Variants in FANCD2 observed in about 807,000 individuals in gnomAD.
FANCD2 encodes the protein FA complementation group D2.
Under a neutral mutation model 192.3 loss-of-function variants are expected in FANCD2, and 131 were observed. The observed-to-expected ratio is 0.68, with a 90% CI of 0.59 to 0.79. FANCD2 has a LOEUF of 0.79. Among genes scored for constraint, FANCD2 ranks in the 30% least tolerant of loss-of-function variants. FANCD2 has a pLI of 0.00. For synonymous variants in FANCD2, 524 were observed against 612.5 expected (o/e 0.86, Z 2.13); for missense variants, 1,508 against 1,701.6 (o/e 0.89, Z 2.00).
intron 33 of FANCD2, 54 bp from the exon 34 acceptor site, chr3:10,087,080 T>A (rs1466107427): frequency 3.7e-6 from 6 of 1,600,842 alleles, no homozygotes; most frequent in Non-Finnish European, 5.1e-6. Context: ...TTTAAATATA[T>A]CTGTGACACA....
Position 10,069,616 on chromosome 3 carries a change from C to T in FANCD2, c.2494+2299C>T, listed in dbSNP as rs1477683709. 1.5e-4 allele frequency among the ~76,000 whole-genome samples: 23 copies of T among 152,056 alleles called. No homozygotes were observed. In the East Asian group the frequency reaches 3.9e-3, roughly 26 times the overall value. Reference sequence around the variant, plus strand: ...GCCTGCGATTGCAGGCGCGCGCCGCCACGCCTGACTGGTTTTCGTACTTTT... The same window carrying T: ...GCCTGCGATTGCAGGCGCGCGCCGCTACGCCTGACTGGTTTTCGTACTTTT... On this transcript the variant is annotated intron_variant, in intron 26 of 43. Coordinates refer to ENST00000675286, the MANE Select transcript of FANCD2 (RefSeq NM_001018115.3).
In FANCD2 at chr3:10,051,418, T is replaced by C. The variant is rs1388287344; in HGVS notation, c.1546-969T>C. On this transcript the variant is annotated intron_variant, in intron 17 of 43. Transcript: ENST00000675286. ...AAAAAAAAAAAAAAACAAAAAGGAG[T>C]GAGGGATTTATCTCCCAGTGTTGGA... Among the ~76,000 whole-genome samples the C allele has an allele frequency of 7.8e-5, 2 of 25,768 alleles. 1 individual carries two copies. 16.9% of individuals were successfully genotyped at this position (25,768 alleles called of 152,430 possible).
chr3:10,073,299 A>T lies in FANCD2; in HGVS notation c.2652A>T (p.Thr884=), dbSNP rs753568480. 1 of 1,614,138 alleles carries T rather than the reference A, an allele frequency of 6.2e-7. No homozygotes were observed. Among genetic ancestry groups the T allele is most frequent in the Non-Finnish European group, 8.5e-7 (1 of 1,179,980 alleles). ...GCAGCAAGACATCCTCCTCTGACACACTTTCAGAAGAGAAAAATTCAGAAT... is the reference window on the plus strand; with the variant it reads ...GCAGCAAGACATCCTCCTCTGACACTCTTTCAGAAGAGAAAAATTCAGAAT... ...TDGSKTSSSD[T]LSEEKNSECD... The change falls in exon 28 of 44, where the codon ACA becomes ACT. Residue 884 remains threonine, a synonymous_variant. Coordinates refer to ENST00000675286, the MANE Select transcript of FANCD2 (RefSeq NM_001018115.3).
At chr3:10,044,661 A>G (rs2086952406) in intron 14 of FANCD2, among the ~76,000 whole-genome samples, 1 of 152,088 alleles carries the variant, frequency 6.6e-6, no homozygotes, top group Non-Finnish European at 1.5e-5. Flanking sequence ...TTTGGTTGGA[A>G]TCTGTTTTGT....
chr3:10,085,256 G>T (rs980557150), intron 32 of FANCD2, among the ~76,000 whole-genome samples: 1 of 152,066 alleles, frequency 6.6e-6, no homozygotes, highest in African/African-American at 2.4e-5. Context: ...AAAGAAAGAG[G>T]AAAGAAGAAA....
rs555260098 is a variant in FANCD2, at chr3:10,056,726, G to A, written c.1657-3568G>A. ...TTTTTAACTATAATCATTCTGATGAGTGCGAGTGGTATCTCATTGTGGTTT... is the reference window on the plus strand; with the variant it reads ...TTTTTAACTATAATCATTCTGATGAATGCGAGTGGTATCTCATTGTGGTTT... On this transcript the variant is annotated intron_variant, in intron 18 of 43. Transcript: ENST00000675286. Among the ~76,000 whole-genome samples the A allele has an allele frequency of 7.6e-4, 116 of 152,066 alleles. 1 individual carries two copies. The South Asian group carries it at 0.018, about 24-fold the overall frequency.
Position 10,093,213 on chromosome 3 carries a change from G to A in FANCD2, c.3850-72G>A, listed in dbSNP as rs374988769. The A allele has an allele frequency of 4.0e-4, 457 of 1,146,100 alleles. No homozygotes were observed. In the African/African-American group the frequency reaches 5.5e-3, roughly 14 times the overall value. The allele number at this position is 1,146,100 out of a possible 1,614,324, so 71.0% of individuals were successfully genotyped here. A position where few individuals can be genotyped will look rare whatever the true frequency, so the allele number is the denominator to read the frequency against. ...TGCAGCACCCAAAGCTGTGCTTTGC[G>A]CAGCGGGAAAGAGGCTGGAGTGCTC... On this transcript the variant is annotated intron_variant, in intron 38 of 43. Transcript: ENST00000675286.
chr3:10,088,718 A>G, intron 35 of FANCD2, 110 bp from the exon 36 acceptor site: 3 of 1,247,286 alleles, frequency 2.4e-6, no homozygotes, highest in Non-Finnish European at 3.5e-6. Flanking sequence ...TCTGTTTTAT[A>G]CTGTTAGCTA....
At chr3:10,070,224 G>A (rs1249068985) in intron 26 of FANCD2, among the ~76,000 whole-genome samples, 5 of 149,008 alleles carry the variant, frequency 3.4e-5, no homozygotes, top group African/African-American at 9.9e-5. Context: ...CCCTCTGCCC[G>A]GCAGCCGCCC....
chr3:10,088,853 A>G lies in FANCD2; in HGVS notation c.3586A>G (p.Ile1196Val), dbSNP rs1339689117. 2 of 1,614,220 alleles carry G rather than the reference A, an allele frequency of 1.2e-6. No homozygotes were observed. The highest frequency in any genetic ancestry group is 1.1e-5 in the South Asian group (1 of 91,078). The change falls in exon 36 of 44, where the codon ATT (isoleucine) becomes GTT (valine). Residue 1196 changes from isoleucine to valine, a missense_variant. Ile to Val is a conservative substitution (Grantham distance 29, BLOSUM62 3). Transcript: ENST00000675286. ...TATCTACCTGGAGCACACAGAGAGC[A>G]TTCTGAAGGCCATAGAGGAGATTGC... ...LCIYLEHTES[I>V]LKAIEEIAGV... is the part of the protein sequence containing the mutation.
At chr3:10,036,413 A>G in intron 7 of FANCD2, 74 bp downstream of exon 7, 1 of 1,137,936 alleles carries the variant, frequency 8.8e-7, no homozygotes. Flanking sequence ...TTACTCTGAA[A>G]ACTATTGGTT....
chr3:10,026,987 A>G (rs1045150128), intron 1 of FANCD2, among the ~76,000 whole-genome samples: 2 of 152,210 alleles, frequency 1.3e-5, no homozygotes, highest in African/African-American at 4.8e-5. Context: ...ACTCCGAGTT[A>G]GAATCCCAGT....
chr3:10,077,988 T>C, intron 29 of FANCD2, 93 bp from the exon 30 acceptor site: 1 of 875,316 alleles, frequency 1.1e-6, no homozygotes, highest in Admixed American at 1.7e-5. Context: ...AGCTATGATC[T>C]TGCCACTGCA....
rs963042666 is a variant in FANCD2 at position 10,052,606 on chromosome 3, C to T, written c.1656+109C>T. The T allele has an allele frequency of 6.5e-6, 5 of 765,806 alleles. No homozygotes were observed. In the African/African-American group the frequency reaches 6.9e-5, roughly 11 times the overall value. 47.4% of individuals were successfully genotyped at this position (765,806 alleles called of 1,614,324 possible). ...CGATCTCAGCTCATTGCAACCTCTG[C>T]CTCCTGGGTTCAAGCGATTCTCCTG... On this transcript the variant is annotated intron_variant, in intron 18 of 43. Transcript: ENST00000675286.
chr3:10,027,213 C>T (rs1029376724), intron 1 of FANCD2, among the ~76,000 whole-genome samples: 3 of 152,194 alleles, frequency 2.0e-5, no homozygotes, highest in African/African-American at 7.2e-5. Context: ...GACTGGGTTC[C>T]TGCTCTCAAA....
rs545182609 is a variant in FANCD2 at position 10,060,879 on chromosome 3, T to G, written c.1766+476T>G. Reference sequence around the variant, plus strand: ...ATATCGGTTTGGGGGCTTGATAAGATGTTGCCATTACAAACCGACATTGGA... The same window carrying G: ...ATATCGGTTTGGGGGCTTGATAAGAGGTTGCCATTACAAACCGACATTGGA... On this transcript the variant is annotated intron_variant, in intron 19 of 43. Coordinates refer to ENST00000675286, the MANE Select transcript of FANCD2 (RefSeq NM_001018115.3). 3.3e-5 allele frequency among the ~76,000 whole-genome samples: 5 copies of G among 152,334 alleles called. No individual in the cohort carries two copies. The South Asian group carries it at 1.0e-3, about 32-fold the overall frequency.
chr3:10,091,498 A>G (rs1292533160), intron 37 of FANCD2, among the ~76,000 whole-genome samples: 8 of 151,902 alleles, frequency 5.3e-5, no homozygotes, highest in African/African-American at 1.2e-4. Flanking sequence ...GAAAAAACAT[A>G]TACCGGCTGT....
intron 20 of FANCD2, among the ~76,000 whole-genome samples, chr3:10,063,508 T>A (rs1437655219): frequency 6.6e-6 from 1 of 152,194 alleles, no homozygotes; most frequent in Non-Finnish European, 1.5e-5. Context: ...ACATTTTTAT[T>A]TCATTCTTTA....
chr3:10,081,895 A>G (rs1693860946), intron 32 of FANCD2, among the ~76,000 whole-genome samples: 1 of 152,214 alleles, frequency 6.6e-6, no homozygotes, highest in Non-Finnish European at 1.5e-5. Flanking sequence ...AAGGTACAAC[A>G]TGGACAAAAG....
Sources: gnomAD v4.1 joint callset for allele counts (sites outside exome capture counted in the v4.1 genomes callset) on GRCh38, gnomAD v4.1.1 for gene constraint, MANE v1.5 for transcripts, NCBI Gene and HGNC (gene_info 2026-07-23, HGNC 2026-07-21) for gene names.